Variants in PRELID2 observed in about 807,000 individuals in gnomAD.
PRELID2 encodes the protein PRELI domain containing 2.
PRELID2 carries 25 observed loss-of-function variants against 28.4 expected under a neutral mutation model. That is an observed-to-expected ratio of 0.88 (90% CI 0.64 to 1.23). PRELID2 has a LOEUF of 1.23. PRELID2 is among the 50% of genes most tolerant of loss of function. The pLI, the probability that PRELID2 is intolerant of heterozygous loss-of-function variation, is 0.00. For synonymous variants in PRELID2, 76 were observed against 71.6 expected (o/e 1.06, Z -0.31); for missense variants, 201 against 214.4 (o/e 0.94, Z 0.39).
At chr5:145,663,064 T>C (rs948690800) in intron 1 of PRELID2, among the ~76,000 whole-genome samples, 1 of 152,068 alleles carries the variant, frequency 6.6e-6, no homozygotes, top group Non-Finnish European at 1.5e-5. Context: ...ATTTCAGAAA[T>C]GGTCTTCAAA....
At chr5:145,261,232 T>C in the PRELID2 span, among the ~76,000 whole-genome samples, 1 of 152,166 alleles carries the variant, frequency 6.6e-6, no homozygotes, top group Admixed American at 6.5e-5. Context: ...TTTCTCTTGG[T>C]AGTCAAAGAC....
intron 1 of PRELID2, among the ~76,000 whole-genome samples, chr5:145,698,262 C>T (rs1017192002): frequency 1.8e-4 from 28 of 152,084 alleles, no homozygotes; most frequent in African/African-American, 6.8e-4. Flanking sequence ...TTGTCAGGTA[C>T]CAATTGCCTT....
intron 1 of PRELID2, among the ~76,000 whole-genome samples, chr5:145,546,207 C>T (rs529669502): frequency 2.1e-4 from 31 of 149,602 alleles, no homozygotes; most frequent in South Asian, 4.2e-4. Flanking sequence ...TGAGGTCAAG[C>T]GAATAACATA....
the PRELID2 span, among the ~76,000 whole-genome samples, chr5:145,425,667 C>T: frequency 4.7e-4 from 72 of 152,136 alleles, no homozygotes; most frequent in African/African-American, 1.6e-3. Flanking sequence ...AGAAAACCAA[C>T]CACCTCATAT....
intron 1 of PRELID2, among the ~76,000 whole-genome samples, chr5:145,733,857 A>G (rs1433561918): frequency 6.6e-6 from 1 of 152,204 alleles, no homozygotes; most frequent in African/African-American, 2.4e-5. Flanking sequence ...GGGACTTCGC[A>G]GTTATAATGA....
chr5:145,815,687 T>A (rs1486735813), intron 4 of PRELID2, among the ~76,000 whole-genome samples: 14 of 152,270 alleles, frequency 9.2e-5, no homozygotes, highest in African/African-American at 3.4e-4. Flanking sequence ...AACTGCCTTC[T>A]TTCATTTAGC....
intron 5 of PRELID2, among the ~76,000 whole-genome samples, chr5:145,775,144 G>A (rs1260631834): frequency 6.6e-6 from 1 of 152,014 alleles, no homozygotes; most frequent in South Asian, 2.1e-4. Context: ...GGAGGCTGAG[G>A]TTGGAGAATC....
the PRELID2 span, among the ~76,000 whole-genome samples, chr5:145,353,634 G>T: frequency 6.6e-6 from 1 of 152,094 alleles, no homozygotes. Flanking sequence ...GTAAGGAGAA[G>T]TATCAAGCCA....
chr5:145,338,523 G>A, the PRELID2 span: 1 of 152,150 alleles, frequency 6.6e-6, no homozygotes, highest in African/African-American at 2.4e-5. Context: ...TGTTTTACCT[G>A]TTAGGAAGTT....
intron 1 of PRELID2, among the ~76,000 whole-genome samples, chr5:145,616,135 T>C (rs1259266915): frequency 6.6e-6 from 1 of 152,214 alleles, no homozygotes; most frequent in Non-Finnish European, 1.5e-5. Context: ...TTTTCCTTCA[T>C]AGGTTACCTG....
At chr5:145,295,735 G>A in the PRELID2 span, among the ~76,000 whole-genome samples, 6 of 152,084 alleles carry the variant, frequency 3.9e-5, no homozygotes, top group African/African-American at 9.7e-5. Context: ...TTCATGTAGC[G>A]AATTGATGGA....
At chr5:145,437,925 C>A in the PRELID2 span, among the ~76,000 whole-genome samples, 1 of 152,122 alleles carries the variant, frequency 6.6e-6, no homozygotes, top group African/African-American at 2.4e-5. Context: ...CATCTTAGCT[C>A]TGAAAATGCT....
At chr5:145,389,790 C>T in the PRELID2 span, among the ~76,000 whole-genome samples, 2 of 152,136 alleles carry the variant, frequency 1.3e-5, no homozygotes, top group African/African-American at 2.4e-5. Flanking sequence ...AGAGGAGAGG[C>T]TAAGGTGGTA....
chr5:145,619,725 C>G (rs1366682999), intron 1 of PRELID2, among the ~76,000 whole-genome samples: 1 of 152,168 alleles, frequency 6.6e-6, no homozygotes, highest in Non-Finnish European at 1.5e-5. Flanking sequence ...CTCGCATCCA[C>G]CATGATGCCT....
At chr5:145,439,491 C>A in the PRELID2 span, among the ~76,000 whole-genome samples, 6 of 152,090 alleles carry the variant, frequency 3.9e-5, no homozygotes, top group Admixed American at 1.3e-4. Flanking sequence ...ACAGGAGATT[C>A]AGATTATTCT....
chr5:145,703,934 T>C lies in PRELID2; in HGVS notation n.70+60997A>G, dbSNP rs564429218. 2.0e-5 allele frequency: 3 copies of C among 152,346 alleles called. No individual in the cohort carries two copies. The South Asian group carries it at 6.2e-4, about 32-fold the overall frequency. 9.4% of individuals were successfully genotyped at this position (152,346 alleles called of 1,614,324 possible). A position where few individuals can be genotyped will look rare whatever the true frequency, so the allele number is the denominator to read the frequency against. ...AAAATAAATCCATAAAGTCATGGCA[T>C]ATTTTATTCAACAACTGCCCCAGAA... On this transcript the variant is annotated intron_variant and non_coding_transcript_variant, in intron 1 of 2. Transcript: ENST00000510259.
At chr5:145,497,023 C>T (rs1295148287) in intron 1 of PRELID2, among the ~76,000 whole-genome samples, 3 of 151,924 alleles carry the variant, frequency 2.0e-5, no homozygotes, top group African/African-American at 2.4e-5. Context: ...CCACCATGCT[C>T]AGTTATTTGT....
At chr5:145,288,498 T>C in the PRELID2 span, among the ~76,000 whole-genome samples, 1 of 152,144 alleles carries the variant, frequency 6.6e-6, no homozygotes, top group African/African-American at 2.4e-5. Flanking sequence ...CTTCATCTTG[T>C]ATATTTTCTG....
At chr5:145,573,715 T>C (rs188893635) in intron 1 of PRELID2, among the ~76,000 whole-genome samples, 1 of 152,294 alleles carries the variant, frequency 6.6e-6, no homozygotes, top group East Asian at 1.9e-4. Flanking sequence ...TTCCATGATG[T>C]ATATGTGCCA....
Sources: gnomAD v4.1 joint callset for allele counts (sites outside exome capture counted in the v4.1 genomes callset) on GRCh38, gnomAD v4.1.1 for gene constraint, MANE v1.5 for transcripts, NCBI Gene and HGNC (gene_info 2026-07-23, HGNC 2026-07-21) for gene names.